PLXNA4: variants seen among roughly 807,000 people sequenced by gnomAD.
The protein encoded by PLXNA4 is plexin A4.
A neutral mutation model predicts 191.8 loss-of-function variants in PLXNA4; 44 were observed. That is an observed-to-expected ratio of 0.23 (90% CI 0.18 to 0.29). The LOEUF is 0.29. Among genes scored for constraint, PLXNA4 ranks in the 10% least tolerant of loss-of-function variants. PLXNA4 has a pLI of 1.00. For synonymous variants in PLXNA4, 1,082 were observed against 1,009.5 expected, an observed-to-expected ratio of 1.07 and a Z score of -1.36; for missense variants, 1,800 against 2,488.8, an observed-to-expected ratio of 0.72 and a Z score of 5.89.
chr7:132,468,548 C>T (rs1009378363), intron 3 of PLXNA4, among the ~76,000 whole-genome samples: 7 of 152,170 alleles, frequency 4.6e-5, no homozygotes, highest in Non-Finnish European at 1.0e-4. Context: ...GCAGGCAATG[C>T]TTCTATCGTC....
At chr7:132,509,302 G>A (rs920053409) in intron 1 of PLXNA4, among the ~76,000 whole-genome samples, 2 of 152,148 alleles carry the variant, frequency 1.3e-5, no homozygotes, top group Non-Finnish European at 2.9e-5. Context: ...ACCTCCTGCT[G>A]GACCCCATCT....
intron 3 of PLXNA4, among the ~76,000 whole-genome samples, chr7:132,398,785 C>A (rs1000631900): frequency 1.3e-5 from 2 of 152,202 alleles, no homozygotes; most frequent in African/African-American, 4.8e-5. Context: ...AGTGGCCCAG[C>A]CCTCGCCAGC....
chr7:132,257,861 A>T (rs1374894002), intron 4 of PLXNA4, among the ~76,000 whole-genome samples: 1 of 152,196 alleles, frequency 6.6e-6, no homozygotes, highest in African/African-American at 2.4e-5. Context: ...ATGTCTGTAG[A>T]TGGAGGAATT....
intron 13 of PLXNA4, among the ~76,000 whole-genome samples, chr7:132,195,061 C>T (rs886410929): frequency 1.3e-5 from 2 of 152,000 alleles, no homozygotes; most frequent in African/African-American, 2.4e-5. Context: ...CACATATATA[C>T]GTACACACAT....
chr7:132,564,033 TCTC>T (rs1381090310), intron 1 of PLXNA4, among the ~76,000 whole-genome samples: 1 of 4,304 alleles, frequency 2.3e-4, no homozygotes, highest in Non-Finnish European at 4.6e-4. Flanking sequence ...TCCTCCTCCT[TCTC>T]CTCCTTTTCC....
intron 1 of PLXNA4, among the ~76,000 whole-genome samples, chr7:132,563,580 C>G (rs1216845394): frequency 7.7e-6 from 1 of 129,182 alleles, no homozygotes; most frequent in Non-Finnish European, 1.7e-5. Context: ...CATCCTCCTC[C>G]TCCTTCTCCT....
At chr7:132,170,603 G>C (rs1796255648) in intron 21 of PLXNA4, among the ~76,000 whole-genome samples, 1 of 152,214 alleles carries the variant, frequency 6.6e-6, no homozygotes, top group South Asian at 2.1e-4. Flanking sequence ...TCCAGGCTCA[G>C]GGCAAGGCAC....
At chr7:132,354,420 T>G (rs1010882414) in intron 3 of PLXNA4, among the ~76,000 whole-genome samples, 48 of 152,210 alleles carry the variant, frequency 3.2e-4, no homozygotes, top group African/African-American at 1.2e-3. Context: ...TCTACTACAG[T>G]TCTTCTTTCC....
intron 5 of PLXNA4, among the ~76,000 whole-genome samples, chr7:132,232,683 A>G (rs1445356633): frequency 6.6e-6 from 1 of 152,208 alleles, no homozygotes; most frequent in Admixed American, 6.5e-5. Context: ...GCCCTCCCCT[A>G]AGCCTGAACT....
chr7:132,441,893 G>A (rs1438168878), intron 3 of PLXNA4, among the ~76,000 whole-genome samples: 1 of 152,134 alleles, frequency 6.6e-6, no homozygotes, highest in Non-Finnish European at 1.5e-5. Context: ...GGTCTGTTGG[G>A]GCTTCACTTT....
intron 1 of PLXNA4, among the ~76,000 whole-genome samples, chr7:132,535,834 C>T (rs1208394119): frequency 6.6e-6 from 1 of 152,156 alleles, no homozygotes; most frequent in Non-Finnish European, 1.5e-5. Flanking sequence ...AGGCCAGGCA[C>T]GTGGCTGAAC....
intron 14 of PLXNA4, among the ~76,000 whole-genome samples, chr7:132,192,099 C>A (rs941515819): frequency 6.6e-6 from 1 of 152,074 alleles, no homozygotes. Context: ...CCTCGGAGAG[C>A]AGAGGTGGAG....
At chr7:132,588,682 A>AAG (rs1554474906) in intron 2 of PLXNA4, among the ~76,000 whole-genome samples, 42 of 40,796 alleles carry the variant, frequency 1.0e-3, no homozygotes, top group African/African-American at 1.2e-3. Context: ...AAGGGAAGGG[A>AAG]GGAGGGAGGG....
chr7:132,395,728 C>G (rs556881452), intron 3 of PLXNA4, among the ~76,000 whole-genome samples: 2 of 152,284 alleles, frequency 1.3e-5, no homozygotes, highest in South Asian at 2.1e-4. Flanking sequence ...TCTTTGCCGC[C>G]CAGAAAAAGC....
Position 132,144,054 on chromosome 7 carries a change from G to C in PLXNA4, c.5225+1065C>G, listed in dbSNP as rs908340054. 9.8e-5 allele frequency among the ~76,000 whole-genome samples: 15 copies of C among 152,298 alleles called. 1 individual carries two copies. Among genetic ancestry groups the C allele is most frequent in the African/African-American group, 3.6e-4 (15 of 41,566 alleles). On this transcript the variant is annotated intron_variant, in intron 29 of 31. Coordinates refer to ENST00000321063, the MANE Select transcript of PLXNA4 (RefSeq NM_020911.2). ...ATCTGTGCATTGCTTTGGGGCCCAG[G>C]GCTAGGTGCCAGGGTGCTTCGCTGA...
intron 3 of PLXNA4, among the ~76,000 whole-genome samples, chr7:132,440,884 A>G (rs1795674797): frequency 6.6e-6 from 1 of 152,240 alleles, no homozygotes; most frequent in African/African-American, 2.4e-5. Flanking sequence ...ATGAAGAGCA[A>G]AAAAGGTTGG....
In PLXNA4 at chr7:132,594,870, G is replaced by C. The variant is rs190073217; in HGVS notation, c.-87+51058C>G. On this transcript the variant is annotated intron_variant, in intron 2 of 4. Transcript: ENST00000378539. ...AGCTAGAAAGTATGGAGATTTCTGGGTCTAGTCCAGTGGTGTTTCCATTCA... is the reference window on the plus strand; with the variant it reads ...AGCTAGAAAGTATGGAGATTTCTGGCTCTAGTCCAGTGGTGTTTCCATTCA... Among the ~76,000 whole-genome samples the C allele has an allele frequency of 6.4e-3, 979 of 151,984 alleles. 3 individuals carry two copies. Among genetic ancestry groups the C allele is most frequent in the Non-Finnish European group, 9.3e-3 (630 of 67,994 alleles).
rs200959621 is a variant in PLXNA4 at position 132,396,492 on chromosome 7, AT to A, written c.1371+92799del. ...GCTGGACTTGGGTTTTGGGTTTTTT[AT>A]TTTTTTTGTTTGTTTTTGAGACAGT... is the stretch of plus-strand genomic sequence containing the variant. On this transcript the variant is annotated intron_variant, in intron 3 of 31. Transcript: ENST00000321063. Among the ~76,000 whole-genome samples the A allele has an allele frequency of 9.6e-3, 1,458 of 151,720 alleles. 24 individuals carry two copies. The highest frequency in any genetic ancestry group is 0.033 in the African/African-American group (1,377 of 41,386).
chr7:132,318,874 TTAAC>T (rs1039854577), intron 3 of PLXNA4, among the ~76,000 whole-genome samples: 8 of 151,514 alleles, frequency 5.3e-5, no homozygotes, highest in Non-Finnish European at 8.8e-5. Flanking sequence ...AAGCTGGTCT[TTAAC>T]AAGTGTGGAC....
Sources: allele counts gnomAD v4.1 joint callset (sites outside exome capture counted in the v4.1 genomes callset), GRCh38; gene constraint gnomAD v4.1.1; transcripts MANE v1.5; gene names NCBI Gene and HGNC (gene_info 2026-07-23, HGNC 2026-07-21).